Variants in TNRC6B observed in about 807,000 individuals in gnomAD.
TNRC6B encodes trinucleotide repeat containing adaptor 6B, also known as trinucleotide repeat-containing gene 6B protein.
Under a neutral mutation model 203.6 loss-of-function variants are expected in TNRC6B, and 52 were observed. The ratio of observed to expected loss-of-function variants is 0.26; its 90% confidence interval spans 0.20 to 0.32. The LOEUF (loss-of-function observed/expected upper bound fraction) is 0.32. TNRC6B is among the 10% of genes least tolerant of loss of function. The pLI is 1.00. For missense variants in TNRC6B, 1,923 were observed against 2,286.2 expected (o/e 0.84, Z 3.24); for synonymous variants, 838 against 845.7 (o/e 0.99, Z 0.16).
chr22:40,238,662 T>A (rs980765510), intron 1 of TNRC6B, among the ~76,000 whole-genome samples: 4 of 152,202 alleles, frequency 2.6e-5, no homozygotes. Flanking sequence ...GTCTCCATTC[T>A]CATGCAACTG....
At position 40,301,172 on chromosome 22, in the gene TNRC6B, T is replaced by TGCAGCAGCA. The variant is rs139908; in HGVS notation, c.3976_3984dup (p.Gln1326_Gln1328dup). The TGCAGCAGCA allele has an allele frequency of 8.4e-6, 13 of 1,545,872 alleles. No homozygotes were observed. The highest frequency in any genetic ancestry group is 7.2e-5 in the South Asian group (6 of 83,592). On this transcript the variant is annotated inframe_insertion, in exon 15 of 23. Transcript: ENST00000454349. ...CAGCTGGCTCGAATGGTGAGTGCACTGCAGCAGCAGCAGCAGCAGCAGCAG... is the reference window on the plus strand; with the variant it reads ...CAGCTGGCTCGAATGGTGAGTGCACTGCAGCAGCAGCAGCAGCAGCAGCAGCAGCAGCAG...
chr22:40,120,134 G>A (rs919530368), intron 2 of TNRC6B, among the ~76,000 whole-genome samples: 3 of 152,144 alleles, frequency 2.0e-5, no homozygotes, highest in Non-Finnish European at 1.5e-5. Context: ...TAGGCAGGTG[G>A]ATTGCTTGAG....
chr22:40,057,023 A>G (rs2067803071), intron 1 of TNRC6B, among the ~76,000 whole-genome samples: 1 of 152,126 alleles, frequency 6.6e-6, no homozygotes, highest in Admixed American at 6.5e-5. Flanking sequence ...CATCTTGGAT[A>G]CCTTGAGCTC....
At position 40,269,834 on chromosome 22, in the gene TNRC6B, G is replaced by T. The variant is rs559241311; in HGVS notation, c.2807-288G>T. ...ACCTGGGAGGTGGAGGTTGCCATGA[G>T]CCAAGACCACGGCATTGCACTCCAG... On this transcript the variant is annotated intron_variant, in intron 5 of 22. Transcript: ENST00000454349. Among the ~76,000 whole-genome samples, 9 of 144,982 alleles carry T rather than the reference G, an allele frequency of 6.2e-5. No individual in the cohort carries two copies. The South Asian group carries it at 2.0e-3, about 32-fold the overall frequency.
At chr22:40,159,804 CA>C (rs1246884163) in intron 4 of TNRC6B, among the ~76,000 whole-genome samples, 1 of 151,930 alleles carries the variant, frequency 6.6e-6, no homozygotes, top group East Asian at 1.9e-4. Flanking sequence ...GAGATATTTT[CA>C]GTCTATTTCT....
intron 4 of TNRC6B, among the ~76,000 whole-genome samples, chr22:40,160,249 G>T (rs2068860015): frequency 6.6e-6 from 1 of 152,174 alleles, no homozygotes; most frequent in Non-Finnish European, 1.5e-5. Flanking sequence ...GGCTGAGGCA[G>T]GCGGATCACC....
intron 3 of TNRC6B, among the ~76,000 whole-genome samples, chr22:40,138,798 G>T (rs1044384250): frequency 2.6e-5 from 4 of 151,968 alleles, no homozygotes; most frequent in African/African-American, 9.7e-5. Context: ...GCATGGATAA[G>T]AATTCACTCT....
chr22:40,120,857 C>T (rs1166354116), intron 2 of TNRC6B, among the ~76,000 whole-genome samples: 3 of 152,130 alleles, frequency 2.0e-5, no homozygotes, highest in South Asian at 2.1e-4. Context: ...CAGGTTTATT[C>T]GCCCACCACC....
At chr22:40,089,180 T>C (rs1298583739) in intron 1 of TNRC6B, among the ~76,000 whole-genome samples, 1 of 152,220 alleles carries the variant, frequency 6.6e-6, no homozygotes, top group Non-Finnish European at 1.5e-5. Flanking sequence ...GAGATACAAA[T>C]ATAAAATAAA....
At chr22:40,193,708 A>C (rs1003001371) in intron 1 of TNRC6B, among the ~76,000 whole-genome samples, 1 of 152,198 alleles carries the variant, frequency 6.6e-6, no homozygotes, top group African/African-American at 2.4e-5. Flanking sequence ...GAGAAGGAAA[A>C]GTAAATATGG....
At chr22:40,060,611 C>T (rs2067841254) in intron 1 of TNRC6B, among the ~76,000 whole-genome samples, 1 of 152,152 alleles carries the variant, frequency 6.6e-6, no homozygotes, top group African/African-American at 2.4e-5. Context: ...GGAGAACACA[C>T]AGGGCCCAGC....
At chr22:40,061,393 T>G (rs2067850262) in intron 1 of TNRC6B, among the ~76,000 whole-genome samples, 1 of 151,920 alleles carries the variant, frequency 6.6e-6, no homozygotes, top group African/African-American at 2.4e-5. Context: ...TTTTTTTTTT[T>G]TGTATTTTTA....
intron 2 of TNRC6B, among the ~76,000 whole-genome samples, chr22:40,249,675 C>A (rs909770568): frequency 6.6e-6 from 1 of 152,168 alleles, no homozygotes; most frequent in East Asian, 1.9e-4. Flanking sequence ...AACTGATCTT[C>A]AAAATGGCAT....
Position 40,333,446 on chromosome 22 carries a change from T to A in TNRC6B, c.*10205T>A, listed in dbSNP as rs1019628934. On this transcript the variant is annotated 3_prime_UTR_variant, in exon 23 of 23. Coordinates refer to ENST00000454349, the MANE Select transcript of TNRC6B (RefSeq NM_001162501.2). Reference sequence around the variant, plus strand: ...AGGGTAAGAAGTGTCTGAATTTCTCTCTTCCAGCAGATCCATCCCCTGCAG... The same window carrying A: ...AGGGTAAGAAGTGTCTGAATTTCTCACTTCCAGCAGATCCATCCCCTGCAG... 1 of 152,790 alleles carries A rather than the reference T, an allele frequency of 6.5e-6. No homozygotes were observed. The highest frequency in any genetic ancestry group is 3.4e-3 in the Middle Eastern group (1 of 294). The allele number at this position is 152,790 out of a possible 1,614,324, so 9.5% of individuals were successfully genotyped here. A position where few individuals can be genotyped will look rare whatever the true frequency, so the allele number is the denominator to read the frequency against.
chr22:40,147,235 A>G (rs2068703147), intron 3 of TNRC6B, among the ~76,000 whole-genome samples: 1 of 152,206 alleles, frequency 6.6e-6, no homozygotes. Flanking sequence ...ATATAAGGTA[A>G]CTGGAGGAGT....
rs369053447 is a variant in TNRC6B, at chr22:40,056,230, A to G, written c.-121+11232A>G. ...CTAAACTAATGTTTCTCAGCTTTGCATATTCAGAGCTTGATATTTTTCAAA... is the reference window on the plus strand; with the variant it reads ...CTAAACTAATGTTTCTCAGCTTTGCGTATTCAGAGCTTGATATTTTTCAAA... On this transcript the variant is annotated intron_variant, in intron 1 of 23. Coordinates refer to the TNRC6B transcript ENST00000301923. Among the ~76,000 whole-genome samples the G allele has an allele frequency of 1.8e-4, 28 of 152,296 alleles. No homozygotes were observed. In the East Asian group the frequency reaches 4.6e-3, roughly 25 times the overall value.
At position 40,228,561 on chromosome 22, in the gene TNRC6B, C is replaced by T. The variant is rs2069823575; in HGVS notation, c.6-17454C>T. On this transcript the variant is annotated intron_variant, in intron 1 of 22. Transcript: ENST00000454349. The stretch of plus-strand genomic sequence containing the variant: ...TTGAGACAGAGTCTTGCTGTGTCGC[C>T]CAGGCTGGAGTGCAGCGGCGTGATC... Among the ~76,000 whole-genome samples, 5 of 150,832 alleles carry T rather than the reference C, an allele frequency of 3.3e-5. No homozygotes were observed. The South Asian group carries it at 8.4e-4, about 25-fold the overall frequency.
At chr22:40,106,363 T>C in intron 1 of TNRC6B, 1 of 1,221,550 alleles carries the variant, frequency 8.2e-7, no homozygotes, top group Non-Finnish European at 1.2e-6. Context: ...TCCTTCTTGT[T>C]GCCAGCATCT....
chr22:40,208,357 T>C (rs1405145615), intron 1 of TNRC6B, among the ~76,000 whole-genome samples: 1 of 152,146 alleles, frequency 6.6e-6, no homozygotes, highest in Non-Finnish European at 1.5e-5. Flanking sequence ...TGCCCTAAGA[T>C]GTCTGCAGCA....
Sources: allele counts gnomAD v4.1 joint callset (sites outside exome capture counted in the v4.1 genomes callset), GRCh38; gene constraint gnomAD v4.1.1; transcripts MANE v1.5; gene names NCBI Gene and HGNC (gene_info 2026-07-23, HGNC 2026-07-21).